The following AKAP7 variants were observed in gnomAD, a reference collection of about 807,000 sequenced individuals.
AKAP7 encodes A-kinase anchoring protein 7, also known as A kinase (PRKA) anchor protein 7.
Under a neutral mutation model 39.5 loss-of-function variants are expected in AKAP7, and 39 were observed. That is an observed-to-expected ratio of 0.99 (90% CI 0.76 to 1.29). AKAP7 has a LOEUF of 1.29. Ranked by LOEUF, AKAP7 falls within the 50% of genes most tolerant of loss-of-function variation. The pLI, the probability that AKAP7 is intolerant of heterozygous loss-of-function variation, is 0.00. For missense variants in AKAP7, 414 were observed against 407.7 expected, an observed-to-expected ratio of 1.02 and a Z score of -0.13; for synonymous variants, 140 against 139.1, an observed-to-expected ratio of 1.01 and a Z score of -0.05.
chr6:131,157,475 A>G (rs1193225350), intron 2 of AKAP7, among the ~76,000 whole-genome samples: 2 of 152,210 alleles, frequency 1.3e-5, no homozygotes, highest in Admixed American at 6.5e-5. Flanking sequence ...TTTAAAATAT[A>G]TGTGTTCTTC....
chr6:131,232,827 A>T (rs915782813), intron 7 of AKAP7, among the ~76,000 whole-genome samples: 3 of 151,934 alleles, frequency 2.0e-5, no homozygotes, highest in African/African-American at 7.3e-5. Flanking sequence ...ATTCATATCC[A>T]TAGCAGTGCT....
At chr6:131,222,904 T>C (rs976465133) in intron 7 of AKAP7, among the ~76,000 whole-genome samples, 4 of 152,202 alleles carry the variant, frequency 2.6e-5, no homozygotes, top group Non-Finnish European at 4.4e-5. Context: ...AACTTCATTA[T>C]TGTCTTATTT....
intron 6 of AKAP7, among the ~76,000 whole-genome samples, chr6:131,219,129 T>G (rs1809468282): frequency 6.6e-6 from 1 of 151,712 alleles, no homozygotes; most frequent in Non-Finnish European, 1.5e-5. Flanking sequence ...TATTTTTTTG[T>G]GGTGACAGAA....
intron 4 of AKAP7, among the ~76,000 whole-genome samples, chr6:131,167,940 G>A (rs1177705096): frequency 6.6e-6 from 1 of 152,126 alleles, no homozygotes; most frequent in African/African-American, 2.4e-5. Flanking sequence ...GTGTTTTAAA[G>A]CCCTGTATGA....
At chr6:131,193,128 G>C (rs1188110563) in intron 5 of AKAP7, among the ~76,000 whole-genome samples, 1 of 152,050 alleles carries the variant, frequency 6.6e-6, no homozygotes, top group Admixed American at 6.6e-5. Context: ...AATAACAGTG[G>C]TGAAAGTGGG....
intron 5 of AKAP7, among the ~76,000 whole-genome samples, chr6:131,196,596 T>G (rs1359182089): frequency 1.3e-5 from 2 of 152,076 alleles, no homozygotes; most frequent in East Asian, 3.9e-4. Context: ...TCTGCTTGAT[T>G]CTTTTTAATT....
intron 7 of AKAP7, among the ~76,000 whole-genome samples, chr6:131,222,432 C>T (rs575739566): frequency 2.0e-5 from 3 of 152,058 alleles, no homozygotes; most frequent in African/African-American, 7.2e-5. Flanking sequence ...GAGGCTGAGG[C>T]AGGAGAATGG....
chr6:131,148,151 A>G (rs915456556), intron 2 of AKAP7, among the ~76,000 whole-genome samples: 3 of 152,180 alleles, frequency 2.0e-5, no homozygotes, highest in African/African-American at 7.2e-5. Flanking sequence ...TCTCTCTAGG[A>G]TATGATATAT....
At chr6:131,170,278 C>T (rs1803916053) in intron 5 of AKAP7, among the ~76,000 whole-genome samples, 2 of 144,120 alleles carry the variant, frequency 1.4e-5, no homozygotes, top group Non-Finnish European at 3.0e-5. Flanking sequence ...GCACATGTAC[C>T]CTAAAACTTA....
chr6:131,183,835 A>T (rs574151620), intron 5 of AKAP7, among the ~76,000 whole-genome samples: 1 of 152,100 alleles, frequency 6.6e-6, no homozygotes, highest in South Asian at 2.1e-4. Context: ...AGGCTAAGTG[A>T]CACAGGGGCA....
chr6:131,272,387 G>A (rs1236050311), intron 7 of AKAP7, among the ~76,000 whole-genome samples: 2 of 151,392 alleles, frequency 1.3e-5, no homozygotes, highest in African/African-American at 2.4e-5. Flanking sequence ...TATTTTTATT[G>A]TTTCCTTCTT....
Position 131,282,308 on chromosome 6 carries a change from G to T in AKAP7, c.*582G>T. The T allele has an allele frequency of 7.4e-7, 1 of 1,354,116 alleles. No homozygotes were observed. The allele number at this position is 1,354,116 out of a possible 1,614,324, so 83.9% of individuals were successfully genotyped here. The stretch of plus-strand genomic sequence containing the variant: ...AATGCAACCTTTTCTATAAAATGTG[G>T]GCAACATTTTAAAGTTTTTTTAAAA... On this transcript the variant is annotated 3_prime_UTR_variant, in exon 8 of 8. Transcript: ENST00000431975.
intron 5 of AKAP7, among the ~76,000 whole-genome samples, chr6:131,177,728 T>G (rs1366923315): frequency 6.6e-6 from 1 of 152,230 alleles, no homozygotes; most frequent in Non-Finnish European, 1.5e-5. Context: ...AATTTGTTAG[T>G]GAGTAGTGGA....
At chr6:131,235,936 T>C (rs541350444) in intron 7 of AKAP7, among the ~76,000 whole-genome samples, 2 of 152,364 alleles carry the variant, frequency 1.3e-5, no homozygotes, top group South Asian at 4.1e-4. Context: ...ATTTTGGCTT[T>C]TGTTGCCATT....
chr6:131,260,000 A>T (rs7744734), intron 7 of AKAP7, among the ~76,000 whole-genome samples: 1 of 151,520 alleles, frequency 6.6e-6, no homozygotes, highest in African/African-American at 2.4e-5. Context: ...CTCCCTGTGT[A>T]CATGTGCTCT....
intron 7 of AKAP7, chr6:131,253,126 C>T: frequency 6.2e-7 from 1 of 1,604,602 alleles, no homozygotes; most frequent in Non-Finnish European, 8.5e-7. Flanking sequence ...AGTGACCCCT[C>T]CCCTCTCCTG....
chr6:131,278,607 C>T (rs1814938573), intron 7 of AKAP7, among the ~76,000 whole-genome samples: 1 of 152,048 alleles, frequency 6.6e-6, no homozygotes, highest in Non-Finnish European at 1.5e-5. Flanking sequence ...ACAATCATGG[C>T]AGAAGGTGAA....
chr6:131,165,194 A>G lies in AKAP7; in HGVS notation c.405A>G (p.Leu135=), dbSNP rs200670324. The G allele has an allele frequency of 1.6e-5, 26 of 1,607,688 alleles. No individual in the cohort carries two copies. The highest frequency in any genetic ancestry group is 2.1e-5 in the Non-Finnish European group (25 of 1,176,922). ...SFHITLLVMQ[L]LNEDEVNIGI... Reference sequence around the variant, plus strand: ...ATATTACCCTGCTGGTGATGCAATTATTAAATGAAGATGAAGTAAACATGT... The same window carrying G: ...ATATTACCCTGCTGGTGATGCAATTGTTAAATGAAGATGAAGTAAACATGT... The change falls in exon 4 of 8, where the codon TTA becomes TTG. Residue 135 remains leucine, a synonymous_variant. Coordinates refer to ENST00000431975, the MANE Select transcript of AKAP7 (RefSeq NM_016377.4).
chr6:131,182,817 T>C lies in AKAP7; in HGVS notation c.589+13544T>C, dbSNP rs578107106. On this transcript the variant is annotated intron_variant, in intron 5 of 7. Coordinates refer to ENST00000431975, the MANE Select transcript of AKAP7 (RefSeq NM_016377.4). ...TTTTCTATTTTTTTGATAATGGCCC[T>C]TTTTTTTTAACCCAAATTTTGTATT... is the stretch of plus-strand genomic sequence containing the variant. 7.5e-3 allele frequency among the ~76,000 whole-genome samples: 1,107 copies of C among 147,100 alleles called. 5 individuals carry two copies. The highest frequency in any genetic ancestry group is 0.015 in the South Asian group (68 of 4,688).
Sources: allele counts gnomAD v4.1 joint callset (sites outside exome capture counted in the v4.1 genomes callset), GRCh38; gene constraint gnomAD v4.1.1; transcripts MANE v1.5; gene names NCBI Gene and HGNC (gene_info 2026-07-23, HGNC 2026-07-21).